The following PCDHGC3 variants were observed in gnomAD, a reference collection of about 807,000 sequenced individuals.
PCDHGC3 encodes the protein protocadherin gamma subfamily C, 3.
A neutral mutation model predicts 59.2 loss-of-function variants in PCDHGC3; 26 were observed. The ratio of observed to expected loss-of-function variants is 0.44; its 90% CI spans 0.32 to 0.61. The LOEUF is 0.61. PCDHGC3 is among the 20% of genes least tolerant of loss of function. PCDHGC3 has a pLI of 0.05. For missense variants in PCDHGC3, 1,080 were observed against 1,221.8 expected (o/e 0.88, Z 1.73); for synonymous variants, 487 against 519.7 (o/e 0.94, Z 0.86).
rs772444495 is a variant in PCDHGC3 at position 141,491,766 on chromosome 5, T to C, written c.2431-3041T>C. 14 of 1,567,738 alleles carry C rather than the reference T, an allele frequency of 8.9e-6. No homozygotes were observed. The African/African-American group carries it at 1.6e-4, about 18-fold the overall frequency. ...GCACTGGAGAAGCCGCCCGTCCTCA[T>C]AAGGGATTGAACTTGCATCCACTCC... On this transcript the variant is annotated intron_variant, in intron 1 of 3. Coordinates refer to ENST00000308177, the MANE Select transcript of PCDHGC3 (RefSeq NM_002588.4). The surrounding 1 kb of genome is among the most constrained non-coding windows in gnomAD (Gnocchi z 6.9).
chr5:141,486,140 C>T lies in PCDHGC3; in HGVS notation c.2430+7594C>T, dbSNP rs759476505. On this transcript the variant is annotated intron_variant, in intron 1 of 3. Coordinates refer to ENST00000308177, the MANE Select transcript of PCDHGC3 (RefSeq NM_002588.4). The surrounding 1 kb of genome is among the most constrained non-coding windows in gnomAD (Gnocchi z 5.0). ...TTACTATGAATTTGATGTGCGGGCT[C>T]GCGATGGGGGTTCTCCAGCCATGGA... 1 of 1,614,164 alleles carries T rather than the reference C, an allele frequency of 6.2e-7. No individual in the cohort carries two copies. The highest frequency in any genetic ancestry group is 1.3e-5 in the African/African-American group (1 of 75,030).
chr5:141,505,628 A>C, intron 3 of PCDHGC3, 147 bp downstream of exon 3: 1 of 1,481,752 alleles, frequency 6.7e-7, no homozygotes, highest in Non-Finnish European at 9.0e-7. Flanking sequence ...ACAATTCCAA[A>C]CATAAAGCCT....
At chr5:141,500,866 A>C (rs576713520) in intron 2 of PCDHGC3, among the ~76,000 whole-genome samples, 1 of 146,112 alleles carries the variant, frequency 6.8e-6, no homozygotes, top group Non-Finnish European at 1.5e-5. Context: ...AAACATACAC[A>C]TTCATTTACA....
Position 141,485,792 on chromosome 5 carries a change from G to T in PCDHGC3, c.2430+7246G>T, listed in dbSNP as rs114766079. 6.2e-6 allele frequency: 10 copies of T among 1,614,118 alleles called. No individual in the cohort carries two copies. In the Admixed American group the frequency reaches 1.3e-4, roughly 22 times the overall value. ...GCCTTTGGATCGAGAGAAGCAATCG[G>T]ACTACCGCCTGGTGCTGACTGCTGT... On this transcript the variant is annotated intron_variant, in intron 1 of 3. Transcript: ENST00000308177. This position sits in a 1 kb window ranked among gnomAD's most constrained non-coding sequence, Gnocchi z 5.7.
chr5:141,500,400 G>A (rs2099799942), intron 2 of PCDHGC3, among the ~76,000 whole-genome samples: 1 of 151,666 alleles, frequency 6.6e-6, no homozygotes, highest in East Asian at 1.9e-4. Context: ...TAGTAGAGAC[G>A]GGGTTTCACC....
At chr5:141,481,879 A>G (rs1204365605) in intron 1 of PCDHGC3, among the ~76,000 whole-genome samples, 1 of 144,890 alleles carries the variant, frequency 6.9e-6, no homozygotes, top group Non-Finnish European at 1.5e-5. Context: ...GCGCCACTGC[A>G]CTCCAGCCTG....
Position 141,485,932 on chromosome 5 carries a change from G to A in PCDHGC3, c.2430+7386G>A. ...CCAGCTACAGGATTAGTGTGTTGGA[G>A]AGCGCACCAGCGGGCATGGTGCTCA... On this transcript the variant is annotated intron_variant, in intron 1 of 3. Transcript: ENST00000308177. The surrounding 1 kb of genome is among the most constrained non-coding windows in gnomAD (Gnocchi z 5.7). The A allele has an allele frequency of 6.2e-7, 1 of 1,614,184 alleles. No homozygotes were observed. The highest frequency in any genetic ancestry group is 8.5e-7 in the Non-Finnish European group (1 of 1,180,042).
At chr5:141,497,478 C>A (rs974494984) in intron 2 of PCDHGC3, among the ~76,000 whole-genome samples, 1 of 150,954 alleles carries the variant, frequency 6.6e-6, no homozygotes, top group African/African-American at 2.4e-5. Flanking sequence ...GGAGAAGGTG[C>A]GGAACCTCTC....
Position 141,491,797 on chromosome 5 carries a change from G to C in PCDHGC3, c.2431-3010G>C, listed in dbSNP as rs537755017. The C allele has an allele frequency of 7.9e-5, 119 of 1,506,700 alleles. No homozygotes were observed. In the Admixed American group the frequency reaches 1.4e-3, roughly 18 times the overall value. 93.3% of individuals were successfully genotyped at this position (1,506,700 alleles called of 1,614,324 possible). On this transcript the variant is annotated intron_variant, in intron 1 of 3. Coordinates refer to ENST00000308177, the MANE Select transcript of PCDHGC3 (RefSeq NM_002588.4). The surrounding 1 kb of genome is among the most constrained non-coding windows in gnomAD (Gnocchi z 6.9). The stretch of plus-strand genomic sequence containing the variant: ...ATTGAACTTGCATCCACTCCTCTCC[G>C]GCCGGCTTGGTCGCTGGCTGCGCTC...
rs2233612 is a variant in PCDHGC3 at position 141,511,014 on chromosome 5, A to G, written c.2646A>G (p.Gly882=). 8.6e-4 allele frequency: 1,386 copies of G among 1,614,082 alleles called. 14 individuals are homozygous for G. The African/African-American group carries it at 0.017, about 20-fold the overall frequency. The change falls in exon 4 of 4, where the codon GGA becomes GGG. Residue 882 remains glycine, a synonymous_variant. Coordinates refer to ENST00000308177, the MANE Select transcript of PCDHGC3 (RefSeq NM_002588.4). ...AGTMGLSARY[G]PQFTLQHVPD... ...CCATGGGATTGAGCGCCCGCTACGG[A>G]CCCCAGTTCACCCTGCAGCACGTGC...
chr5:141,501,509 C>T lies in PCDHGC3; in HGVS notation c.2490-3884C>T, dbSNP rs1046763108. 4.6e-5 allele frequency among the ~76,000 whole-genome samples: 7 copies of T among 152,080 alleles called. No individual in the cohort carries two copies. The South Asian group carries it at 6.2e-4, about 14-fold the overall frequency. On this transcript the variant is annotated intron_variant, in intron 2 of 3. Transcript: ENST00000308177. The stretch of plus-strand genomic sequence containing the variant: ...ATATCTGCTGCTGGGGCTCCAAGGC[C>T]TCCAAGCTGAAGCCCAGTACGTTGT...
At chr5:141,500,227 G>T (rs959087347) in intron 2 of PCDHGC3, among the ~76,000 whole-genome samples, 15 of 116,224 alleles carry the variant, frequency 1.3e-4, no homozygotes, top group African/African-American at 2.9e-4. Context: ...TTTATTTATT[G>T]ATACGTAGCC....
Position 141,489,764 on chromosome 5 carries a change from A to G in PCDHGC3, c.2431-5043A>G. ...GTGAGCTTTTACACTCTAAGCCCCA[A>G]CAGCCACTTCTCTCTGAATGTGAAG... is the stretch of plus-strand genomic sequence containing the variant. On this transcript the variant is annotated intron_variant, in intron 1 of 3. Transcript: ENST00000308177. The surrounding 1 kb of genome is among the most constrained non-coding windows in gnomAD (Gnocchi z 4.5). 2 of 1,613,556 alleles carry G rather than the reference A, an allele frequency of 1.2e-6. No homozygotes were observed. The highest frequency in any genetic ancestry group is 1.7e-6 in the Non-Finnish European group (2 of 1,179,894).
chr5:141,479,050 C>G (rs1484021560), intron 1 of PCDHGC3, among the ~76,000 whole-genome samples: 1 of 152,164 alleles, frequency 6.6e-6, no homozygotes, highest in South Asian at 2.1e-4. Context: ...ACCTCATTCT[C>G]AGATAATTTT....
rs200877911 is a variant in PCDHGC3 at position 141,477,977 on chromosome 5, A to G, written c.1861A>G (p.Ile621Val). ...LGSPNQSLFAIGLHTGQISTA... is the reference protein window; with the variant it reads ...LGSPNQSLFAVGLHTGQISTA... ...ATCCCCTAACCAGAGCCTTTTTGCC[A>G]TAGGGCTGCACACTGGTCAAATCAG... The change falls in exon 1 of 4, where the codon ATA becomes GTA. Residue 621 changes from isoleucine (I) to valine (V), a missense_variant. By Grantham distance (29) the Ile-to-Val change is conservative. Coordinates refer to ENST00000308177, the MANE Select transcript of PCDHGC3 (RefSeq NM_002588.4). The surrounding 1 kb of genome is among the most constrained non-coding windows in gnomAD (Gnocchi z 4.9). 5 of 1,614,092 alleles carry G rather than the reference A, an allele frequency of 3.1e-6. No individual in the cohort carries two copies. The East Asian group carries it at 6.7e-5, about 22-fold the overall frequency.
At chr5:141,502,864 G>GTTTTTTTT in intron 2 of PCDHGC3, among the ~76,000 whole-genome samples, 3 of 61,566 alleles carry the variant, frequency 4.9e-5, no homozygotes, top group African/African-American at 2.4e-4. Context: ...CTGACTCTCT[G>GTTTTTTTT]TCTTTTTTTT....
At chr5:141,479,056 A>G (rs952560687) in intron 1 of PCDHGC3, among the ~76,000 whole-genome samples, 1 of 152,098 alleles carries the variant, frequency 6.6e-6, no homozygotes, top group Admixed American at 6.5e-5. Context: ...TTCTCAGATA[A>G]TTTTTTATGA....
intron 1 of PCDHGC3, among the ~76,000 whole-genome samples, chr5:141,492,876 G>A (rs2099744774): frequency 6.6e-6 from 1 of 152,184 alleles, no homozygotes; most frequent in African/African-American, 2.4e-5. Context: ...TCAACCCCCA[G>A]AGATACAGGC....
chr5:141,509,550 T>C (rs1562240751), intron 3 of PCDHGC3, among the ~76,000 whole-genome samples: 1 of 152,142 alleles, frequency 6.6e-6, no homozygotes, highest in Non-Finnish European at 1.5e-5. Flanking sequence ...TCTCATTTAG[T>C]CCTCACAGCA....
Sources: allele counts gnomAD v4.1 joint callset (sites outside exome capture counted in the v4.1 genomes callset), GRCh38; gene constraint gnomAD v4.1.1; non-coding constraint Gnocchi (gnomAD v3.1); transcripts MANE v1.5; gene names NCBI Gene and HGNC (gene_info 2026-07-23, HGNC 2026-07-21).